RALGAPA2: variants seen among roughly 807,000 people sequenced by gnomAD.
The protein encoded by RALGAPA2 is Ral GTPase activating protein catalytic subunit alpha 2.
Under a neutral mutation model 230.4 loss-of-function variants are expected in RALGAPA2, and 139 were observed. The observed-to-expected ratio is 0.60, with a 90% CI of 0.53 to 0.69. The LOEUF (loss-of-function observed/expected upper bound fraction) is 0.69, where lower values mean the gene tolerates loss of function less well. Ranked by LOEUF, RALGAPA2 falls within the 30% of genes least tolerant of loss-of-function variation. RALGAPA2 has a pLI of 0.00. For missense variants in RALGAPA2, 2,163 were observed against 2,276.0 expected, an observed-to-expected ratio of 0.95 and a Z score of 1.01; for synonymous variants, 847 against 837.8, an observed-to-expected ratio of 1.01 and a Z score of -0.19.
intron 31 of RALGAPA2, 82 bp from the exon 32 acceptor site, chr20:20,513,366 A>C: frequency 1.6e-3 from 894 of 567,872 alleles, no homozygotes; most frequent in Non-Finnish European, 2.0e-3. Context: ...GGTGGGGGGC[A>C]GGGGGCAGTT....
intron 34 of RALGAPA2, chr20:20,505,143 T>C (rs1430050028): frequency 3.0e-6 from 3 of 985,442 alleles, no homozygotes; most frequent in Non-Finnish European, 3.6e-6. Context: ...AAACTGTCTA[T>C]GTCTGGGAGA....
chr20:20,674,563 T>G (rs1262852296), intron 3 of RALGAPA2, among the ~76,000 whole-genome samples: 1 of 152,200 alleles, frequency 6.6e-6, no homozygotes, highest in Non-Finnish European at 1.5e-5. Flanking sequence ...TGTCCACTCC[T>G]TACTCATAGA....
chr20:20,698,273 AT>A (rs202132751), intron 1 of RALGAPA2, among the ~76,000 whole-genome samples: 10,806 of 142,242 alleles, frequency 0.076, 467 homozygotes, highest in East Asian at 0.17. Flanking sequence ...CTTTTAAATG[AT>A]TTTTTTTTTT....
rs147035677 is a variant in RALGAPA2 at position 20,598,526 on chromosome 20, C to T, written c.2203+3156G>A. On this transcript the variant is annotated intron_variant, in intron 16 of 39. Coordinates refer to ENST00000202677, the MANE Select transcript of RALGAPA2 (RefSeq NM_020343.4). ...AATTGCCATTAAGTATCTAACTACA[C>T]AAGAGCAATTACTAGCATTCATTGC... is the stretch of plus-strand genomic sequence containing the variant. Among the ~76,000 whole-genome samples the T allele has an allele frequency of 1.6e-3, 240 of 152,128 alleles. 1 individual carries two copies. The highest frequency in any genetic ancestry group is 5.5e-3 in the African/African-American group (230 of 41,454).
At position 20,640,685 on chromosome 20, in the gene RALGAPA2, T is replaced by C; in HGVS notation, c.550+16A>G. ...AAGAGTAATTTCAACATGGGAGATC[T>C]GCTAACATAACTTACCATCAGCTAC... On this transcript the variant is annotated intron_variant, in intron 6 of 39. Transcript: ENST00000202677. 1 of 1,593,864 alleles carries C rather than the reference T, an allele frequency of 6.3e-7. No individual in the cohort carries two copies. Among genetic ancestry groups the C allele is most frequent in the Non-Finnish European group, 8.6e-7 (1 of 1,167,090 alleles).
intron 14 of RALGAPA2, among the ~76,000 whole-genome samples, chr20:20,608,516 T>C (rs1181796158): frequency 1.3e-5 from 2 of 151,786 alleles, no homozygotes; most frequent in Admixed American, 1.3e-4. Context: ...CTAGAAGAAC[T>C]AGAAAAAGAT....
intron 37 of RALGAPA2, chr20:20,471,578 T>G (rs931441222): frequency 4.6e-5 from 7 of 152,150 alleles, no homozygotes; most frequent in Non-Finnish European, 1.0e-4. Flanking sequence ...AAAAACTCCA[T>G]GCTGAAGGCC....
In RALGAPA2 at chr20:20,526,355, T is replaced by C. The variant is rs752286050; in HGVS notation, c.3590A>G (p.Asn1197Ser). Residue 1197 changes from asparagine to serine, a missense_variant, in exon 28 of 40, where the codon AAC (asparagine) becomes AGC (serine). By Grantham distance (46) the Asn-to-Ser change is conservative. Transcript: ENST00000202677. Reference protein sequence around the residue: ...NVIGVTLKFPNKIVAQVACDV... With the variant: ...NVIGVTLKFPSKIVAQVACDV... ...GCAAGCTACCTGGGCCACGATTTTGTTGGGAAACTATAAAAGGAAACCGAA... is the reference window on the plus strand; with the variant it reads ...GCAAGCTACCTGGGCCACGATTTTGCTGGGAAACTATAAAAGGAAACCGAA... 5.0e-6 allele frequency: 8 copies of C among 1,589,652 alleles called. No individual in the cohort carries two copies. In the African/African-American group the frequency reaches 6.8e-5, roughly 14 times the overall value.
intron 2 of RALGAPA2, among the ~76,000 whole-genome samples, chr20:20,678,903 C>T (rs2068428698): frequency 6.6e-6 from 1 of 152,148 alleles, no homozygotes; most frequent in Non-Finnish European, 1.5e-5. Flanking sequence ...GCACCTCATG[C>T]ACCAATAGGC....
rs796275348 is a variant in RALGAPA2 at position 20,398,346 on chromosome 20, TGAG to T, written c.5618-1615_5618-1613del. On this transcript the variant is annotated intron_variant, in intron 38 of 39. Coordinates refer to ENST00000202677, the MANE Select transcript of RALGAPA2 (RefSeq NM_020343.4). This position sits in a 1 kb window ranked among gnomAD's most constrained non-coding sequence, Gnocchi z 4.5. ...TGGAGGACTTGTTTGTAATTGCTGA[TGAG>T]GACTGGGTTGCCCCTCTCCTGTGCA... is the stretch of plus-strand genomic sequence containing the variant. Among the ~76,000 whole-genome samples, 3 of 152,308 alleles carry T rather than the reference TGAG, an allele frequency of 2.0e-5. No homozygotes were observed. Among genetic ancestry groups the T allele is most frequent in the South Asian group, 4.1e-4 (2 of 4,822 alleles).
chr20:20,560,093 G>A (rs566613657), intron 23 of RALGAPA2, among the ~76,000 whole-genome samples: 3 of 152,210 alleles, frequency 2.0e-5, no homozygotes, highest in African/African-American at 7.2e-5. Context: ...TTAGGGGAAG[G>A]GAAAGCTACT....
chr20:20,437,242 T>C lies in RALGAPA2; in HGVS notation c.5496-25094A>G, dbSNP rs1246037424. Among the ~76,000 whole-genome samples, 5 of 152,198 alleles carry C rather than the reference T, an allele frequency of 3.3e-5. No homozygotes were observed. Among genetic ancestry groups the C allele is most frequent in the African/African-American group, 1.2e-4 (5 of 41,438 alleles). On this transcript the variant is annotated intron_variant, in intron 37 of 39. Transcript: ENST00000202677. The surrounding 1 kb of genome is among the most constrained non-coding windows in gnomAD (Gnocchi z 4.1). ...CACTCTGAACGTCCTGAAGACCGCC[T>C]GGTCACTGAGGCACACATGACTCTG...
intron 20 of RALGAPA2, among the ~76,000 whole-genome samples, chr20:20,577,225 T>G (rs962703887): frequency 7.9e-5 from 12 of 151,818 alleles, no homozygotes; most frequent in Non-Finnish European, 1.3e-4. Context: ...GGAACTCAAG[T>G]AGAGGAATGA....
intron 37 of RALGAPA2, among the ~76,000 whole-genome samples, chr20:20,435,128 C>T (rs2060581658): frequency 6.6e-6 from 1 of 152,214 alleles, no homozygotes; most frequent in African/African-American, 2.4e-5. Flanking sequence ...TGCAAGGTAT[C>T]TAAAAGTGGT....
At chr20:20,624,258 T>C (rs1603104054) in intron 10 of RALGAPA2, among the ~76,000 whole-genome samples, 1 of 130,996 alleles carries the variant, frequency 7.6e-6, no homozygotes, top group Non-Finnish European at 1.5e-5. Context: ...ACCCGGGAGG[T>C]GGAGGTTGCA....
In RALGAPA2 at chr20:20,404,195, T is replaced by A. The variant is rs570764117; in HGVS notation, c.5618-7461A>T. Among the ~76,000 whole-genome samples the A allele has an allele frequency of 2.6e-5, 4 of 152,312 alleles. No homozygotes were observed. In the South Asian group the frequency reaches 8.3e-4, roughly 32 times the overall value. On this transcript the variant is annotated intron_variant, in intron 38 of 39. Transcript: ENST00000202677. ...GTACTGAGAAGTGAATTTGGCCACA[T>A]CAATGCTGTAAATATGTAAAGTTAC...
intron 23 of RALGAPA2, among the ~76,000 whole-genome samples, chr20:20,552,934 C>A (rs761079364): frequency 3.3e-5 from 5 of 151,520 alleles, no homozygotes; most frequent in Admixed American, 2.6e-4. Flanking sequence ...CAAATCAACA[C>A]GGCCCTTTAA....
In RALGAPA2 at chr20:20,591,199, C is replaced by A; in HGVS notation, c.2319G>T (p.Pro773=). 3.7e-6 allele frequency: 6 copies of A among 1,613,758 alleles called. No individual in the cohort carries two copies. The highest frequency in any genetic ancestry group is 5.1e-6 in the Non-Finnish European group (6 of 1,179,758). The change falls in exon 17 of 40, where the codon CCG becomes CCT. Residue 773 remains proline (P), a synonymous_variant. Transcript: ENST00000202677. ...RSSSTSDIPE[P]LCSDSSQGQK... is the part of the protein sequence containing the mutation. ...TACCCTGAGAAGAATCTGAGCACAGCGGCTCGGGGATGTCGGAGGTGCTGC... is the reference window on the plus strand; with the variant it reads ...TACCCTGAGAAGAATCTGAGCACAGAGGCTCGGGGATGTCGGAGGTGCTGC...
chr20:20,632,837 A>G (rs1373673841), intron 9 of RALGAPA2, among the ~76,000 whole-genome samples: 4 of 152,156 alleles, frequency 2.6e-5, no homozygotes, highest in Non-Finnish European at 5.9e-5. Flanking sequence ...TCTTCTTACC[A>G]GTCCATGGGT....
Sources: allele counts gnomAD v4.1 joint callset (sites outside exome capture counted in the v4.1 genomes callset), GRCh38; gene constraint gnomAD v4.1.1; non-coding constraint Gnocchi (gnomAD v3.1); transcripts MANE v1.5; gene names NCBI Gene and HGNC (gene_info 2026-07-23, HGNC 2026-07-21).